EYS: variants seen among roughly 807,000 people sequenced by gnomAD.
The protein encoded by EYS is protein eyes shut homolog.
In EYS, 250 loss-of-function variants were observed where a neutral mutation model predicts 282.1. The observed-to-expected ratio is 0.89, with a 90% CI of 0.80 to 0.98. EYS has a LOEUF of 0.98. Among genes scored for constraint, EYS ranks in the 50% least tolerant of loss-of-function variants. The pLI, the probability that EYS is intolerant of heterozygous loss-of-function variation, is 0.00. For synonymous variants in EYS, 1,355 were observed against 1,282.9 expected, an observed-to-expected ratio of 1.06 and a Z score of -1.20; for missense variants, 4,016 against 3,709.0, an observed-to-expected ratio of 1.08 and a Z score of -2.15.
intron 36 of EYS, among the ~76,000 whole-genome samples, chr6:63,813,122 G>T (rs2149682254): frequency 6.6e-6 from 1 of 152,130 alleles, no homozygotes; most frequent in South Asian, 2.1e-4. Context: ...GGGACTACAG[G>T]CATCCGCCAC....
At chr6:65,222,496 G>A (rs955549535) in intron 12 of EYS, among the ~76,000 whole-genome samples, 1 of 152,162 alleles carries the variant, frequency 6.6e-6, no homozygotes, top group African/African-American at 2.4e-5. Flanking sequence ...CTCCCAGCAT[G>A]TGGAACTGTG....
At chr6:65,271,711 T>C (rs1767911182) in intron 12 of EYS, among the ~76,000 whole-genome samples, 1 of 152,124 alleles carries the variant, frequency 6.6e-6, no homozygotes. Context: ...ATCTCCCTCA[T>C]AGCTGGGATT....
chr6:64,450,403 A>T (rs1775284666), intron 26 of EYS, among the ~76,000 whole-genome samples: 1 of 152,176 alleles, frequency 6.6e-6, no homozygotes, highest in Non-Finnish European at 1.5e-5. Flanking sequence ...CCACACAATA[A>T]TAATGGGAGA....
At chr6:65,142,955 T>C (rs374247638) in intron 12 of EYS, among the ~76,000 whole-genome samples, 9 of 152,192 alleles carry the variant, frequency 5.9e-5, no homozygotes, top group East Asian at 3.9e-4. Context: ...GCAGAATCAA[T>C]GTAACTACTT....
chr6:65,510,356 T>A (rs1582395174), intron 2 of EYS, among the ~76,000 whole-genome samples: 1 of 152,074 alleles, frequency 6.6e-6, no homozygotes, highest in East Asian at 1.9e-4. Flanking sequence ...TCATCATTTT[T>A]ATGGCTGCAT....
chr6:65,139,517 T>A (rs930272098), intron 12 of EYS, among the ~76,000 whole-genome samples: 1 of 151,974 alleles, frequency 6.6e-6, no homozygotes, highest in Non-Finnish European at 1.5e-5. Flanking sequence ...AAATAATCTG[T>A]ATACCAAACC....
intron 35 of EYS, among the ~76,000 whole-genome samples, chr6:63,911,650 C>T (rs1372283537): frequency 1.3e-5 from 2 of 152,176 alleles, no homozygotes; most frequent in Non-Finnish European, 2.9e-5. Flanking sequence ...ATATTATGGT[C>T]TCCTTTTTTC....
intron 12 of EYS, among the ~76,000 whole-genome samples, chr6:65,073,354 C>G (rs997939438): frequency 3.3e-5 from 5 of 151,566 alleles, no homozygotes; most frequent in Non-Finnish European, 7.4e-5. Flanking sequence ...GATCACAGAC[C>G]TATGATCATG....
chr6:65,091,717 C>G lies in EYS; in HGVS notation c.2024-33990G>C, dbSNP rs1295652956. 3.3e-5 allele frequency among the ~76,000 whole-genome samples: 5 copies of G among 152,226 alleles called. No homozygotes were observed. In the East Asian group the frequency reaches 9.7e-4, roughly 29 times the overall value. On this transcript the variant is annotated intron_variant, in intron 12 of 42. Coordinates refer to ENST00000503581, the MANE Select transcript of EYS (RefSeq NM_001142800.2). ...GGCTTCTGTCTGGAGTAGGCCAAGG[C>G]TGACATCCAGTACAGCACGACACAG...
At chr6:64,481,703 A>T (rs905600855) in intron 26 of EYS, among the ~76,000 whole-genome samples, 2 of 151,396 alleles carry the variant, frequency 1.3e-5, no homozygotes, top group African/African-American at 4.8e-5. Flanking sequence ...AATTAATGTG[A>T]TCAAAGAATC....
chr6:64,202,599 G>C (rs1242362979), intron 31 of EYS, among the ~76,000 whole-genome samples: 1 of 152,174 alleles, frequency 6.6e-6, no homozygotes, highest in Admixed American at 6.5e-5. Flanking sequence ...GTAATGGGTT[G>C]AATTTGTGGC....
chr6:65,488,153 T>C (rs957360453), intron 5 of EYS, among the ~76,000 whole-genome samples: 8 of 152,016 alleles, frequency 5.3e-5, no homozygotes, highest in Non-Finnish European at 1.0e-4. Flanking sequence ...TTTTTCAAAG[T>C]TTTTTATGTC....
chr6:63,851,883 C>T lies in EYS; in HGVS notation c.7228+12303G>A, dbSNP rs553348541. On this transcript the variant is annotated intron_variant, in intron 36 of 42. Transcript: ENST00000503581. ...TTAAAAAATCAATGAATTGGCCGGG[C>T]GCAGTGGCTCATGCCTGTAATCCCA... is the stretch of plus-strand genomic sequence containing the variant. Among the ~76,000 whole-genome samples the T allele has an allele frequency of 1.4e-4, 22 of 152,092 alleles. No homozygotes were observed. In the East Asian group the frequency reaches 1.9e-3, roughly 13 times the overall value.
chr6:63,913,776 C>G (rs1045815036), intron 35 of EYS, among the ~76,000 whole-genome samples: 1 of 152,186 alleles, frequency 6.6e-6, no homozygotes, highest in Non-Finnish European at 1.5e-5. Context: ...AACAATGCTG[C>G]TATGAATATT....
chr6:64,824,728 G>A (rs1011164594), intron 19 of EYS, among the ~76,000 whole-genome samples: 1 of 151,868 alleles, frequency 6.6e-6, no homozygotes, highest in African/African-American at 2.4e-5. Flanking sequence ...GTTGGGAGAT[G>A]AGGAGATTTG....
At chr6:64,705,500 A>G (rs2149928874) in intron 22 of EYS, among the ~76,000 whole-genome samples, 1 of 152,194 alleles carries the variant, frequency 6.6e-6, no homozygotes, top group Admixed American at 6.5e-5. Flanking sequence ...TGGAACCAAA[A>G]AAAAGCATGC....
At chr6:64,192,183 T>G (rs1454068507) in intron 31 of EYS, among the ~76,000 whole-genome samples, 1 of 147,948 alleles carries the variant, frequency 6.8e-6, no homozygotes, top group Admixed American at 6.9e-5. Flanking sequence ...GTTGTTTGTT[T>G]TTTTCTTGTA....
At chr6:65,588,378 A>G (rs2127365966) in intron 2 of EYS, among the ~76,000 whole-genome samples, 1 of 152,140 alleles carries the variant, frequency 6.6e-6, no homozygotes, top group East Asian at 1.9e-4. Flanking sequence ...AGGTATCTCC[A>G]GATGTGGGCC....
At chr6:63,815,260 C>T (rs988936009) in intron 36 of EYS, among the ~76,000 whole-genome samples, 1 of 152,128 alleles carries the variant, frequency 6.6e-6, no homozygotes, top group Non-Finnish European at 1.5e-5. Flanking sequence ...TGTACTTCTA[C>T]CTCATTCCTA....
Sources: gnomAD v4.1 joint callset for allele counts (sites outside exome capture counted in the v4.1 genomes callset) on GRCh38, gnomAD v4.1.1 for gene constraint, MANE v1.5 for transcripts, NCBI Gene and HGNC (gene_info 2026-07-23, HGNC 2026-07-21) for gene names.